Variants in NDRG1 observed in about 807,000 individuals in gnomAD.
NDRG1 encodes N-myc downstream regulated 1.
In NDRG1, 32 loss-of-function variants were observed where a neutral mutation model predicts 56.9. The observed-to-expected ratio is 0.56, with a 90% CI of 0.42 to 0.76. The LOEUF (loss-of-function observed/expected upper bound fraction) is 0.76. NDRG1 is among the 30% of genes least tolerant of loss of function. NDRG1 has a pLI of 0.00. For missense variants in NDRG1, 507 were observed against 545.7 expected (o/e 0.93, Z 0.71); for synonymous variants, 211 against 204.1 (o/e 1.03, Z -0.29).
At chr8:133,264,394 C>T (rs890935898) in intron 4 of NDRG1, among the ~76,000 whole-genome samples, 153 bp downstream of exon 4, 1 of 152,200 alleles carries the variant, frequency 6.6e-6, no homozygotes, top group Non-Finnish European at 1.5e-5. Flanking sequence ...CTGGCTTTTC[C>T]AGGCTGTGGC....
At chr8:133,257,649 T>G (rs951297217) in intron 7 of NDRG1, among the ~76,000 whole-genome samples, 1 of 152,224 alleles carries the variant, frequency 6.6e-6, no homozygotes, top group African/African-American at 2.4e-5. Context: ...GTGCAGTCTG[T>G]CATTGACCAA....
At chr8:133,257,920 C>T (rs535839934) in intron 7 of NDRG1, among the ~76,000 whole-genome samples, 36 of 152,196 alleles carry the variant, frequency 2.4e-4, no homozygotes, top group Non-Finnish European at 3.7e-4. Context: ...CACAATTGCT[C>T]GGTGAGGATA....
chr8:133,253,316 G>A (rs1156250283), intron 9 of NDRG1, among the ~76,000 whole-genome samples: 1 of 152,246 alleles, frequency 6.6e-6, no homozygotes, highest in Non-Finnish European at 1.5e-5. Flanking sequence ...AGCACAGGCA[G>A]CCGCCATCCT....
chr8:133,274,881 G>C (rs1443977005), intron 3 of NDRG1, among the ~76,000 whole-genome samples: 1 of 152,196 alleles, frequency 6.6e-6, no homozygotes, highest in East Asian at 1.9e-4. Context: ...GTAAAGGAAG[G>C]ATGATGGTAC....
intron 3 of NDRG1, among the ~76,000 whole-genome samples, chr8:133,279,926 C>A (rs111669123): frequency 6.6e-6 from 1 of 152,172 alleles, no homozygotes; most frequent in African/African-American, 2.4e-5. Context: ...GGGTCCCAAG[C>A]CAGCCCAGCA....
chr8:133,260,796 C>T (rs1365349909), intron 5 of NDRG1, among the ~76,000 whole-genome samples: 7 of 152,116 alleles, frequency 4.6e-5, no homozygotes, highest in Non-Finnish European at 7.4e-5. Context: ...TTATAAATGC[C>T]AAGAAGGCCC....
chr8:133,254,429 C>T, intron 9 of NDRG1, 110 bp downstream of exon 9: 1 of 1,091,082 alleles, frequency 9.2e-7, no homozygotes, highest in South Asian at 1.4e-5. Flanking sequence ...CTCGGTGGCC[C>T]CCAGTTGATT....
intron 3 of NDRG1, among the ~76,000 whole-genome samples, chr8:133,271,747 T>C (rs1335452996): frequency 8.9e-6 from 1 of 112,416 alleles, no homozygotes; most frequent in African/African-American, 3.5e-5. Flanking sequence ...ACTACTACAC[T>C]CCAGCATGGG....
rs924223679 is a variant in NDRG1, at chr8:133,250,332, C to T, written c.698+108G>A. 1.7e-5 allele frequency: 18 copies of T among 1,041,604 alleles called. No homozygotes were observed. The South Asian group carries it at 2.1e-4, about 12-fold the overall frequency. 64.5% of individuals were successfully genotyped at this position (1,041,604 alleles called of 1,614,324 possible). On this transcript the variant is annotated intron_variant, in intron 10 of 15. Coordinates refer to ENST00000323851, the MANE Select transcript of NDRG1 (RefSeq NM_006096.4). ...TAATCTATTTGCTCAAACTCAGAGC[C>T]TGCCTCTTCCGCTCATTTTATACTC... is the stretch of plus-strand genomic sequence containing the variant.
chr8:133,254,739 A>G, intron 8 of NDRG1, 144 bp from the exon 9 acceptor site: 1 of 788,788 alleles, frequency 1.3e-6, no homozygotes, highest in Non-Finnish European at 2.2e-6. Context: ...CCCTTGATAG[A>G]AACTCAGTTC....
chr8:133,252,246 C>T (rs1010024181), intron 9 of NDRG1, among the ~76,000 whole-genome samples: 2 of 152,132 alleles, frequency 1.3e-5, no homozygotes, highest in Non-Finnish European at 2.9e-5. Flanking sequence ...CAGGCGCGTG[C>T]CACCACATCC....
intron 1 of NDRG1, chr8:133,296,638 C>T (rs928211315): frequency 4.6e-6 from 2 of 433,322 alleles, no homozygotes; most frequent in Non-Finnish European, 9.3e-6. Context: ...GCGCCACTCA[C>T]CTCTACCAAC....
At chr8:133,287,944 C>T (rs768724172) in intron 1 of NDRG1, among the ~76,000 whole-genome samples, 9 of 142,596 alleles carry the variant, frequency 6.3e-5, no homozygotes, top group African/African-American at 1.2e-4. Context: ...CGTGCACACA[C>T]GCACACACAC....
chr8:133,257,219 A>G (rs78080721), intron 7 of NDRG1, among the ~76,000 whole-genome samples: 14,063 of 152,262 alleles, frequency 0.092, 740 homozygotes, highest in Admixed American at 0.16. Context: ...GGCGCACAGC[A>G]CAAATGCTCT....
intron 2 of NDRG1, among the ~76,000 whole-genome samples, chr8:133,281,602 C>T (rs1857807614): frequency 6.6e-6 from 1 of 152,104 alleles, no homozygotes; most frequent in African/African-American, 2.4e-5. Flanking sequence ...CCAGCCTCAC[C>T]CACCACAAAC....
chr8:133,262,165 T>C lies in NDRG1; in HGVS notation c.208A>G (p.Lys70Glu). ...TTGAAGAGGGGGTTGTAGCAGGTTT[T>C]GTCTGAAGAACAGCAGTGAGGGAGA... ...LTYHDIGMNH[K>E]TCYNPLFNYE... Residue 70 changes from lysine (K) to glutamate (E), a missense_variant and splice_region_variant, in exon 5 of 16, where the codon AAA (lysine) becomes GAA (glutamate). Lys to Glu is a moderately conservative substitution (Grantham distance 56). Coordinates refer to ENST00000323851, the MANE Select transcript of NDRG1 (RefSeq NM_006096.4). The C allele has an allele frequency of 6.2e-7, 1 of 1,613,822 alleles. No homozygotes were observed. Among genetic ancestry groups the C allele is most frequent in the Non-Finnish European group, 8.5e-7 (1 of 1,180,008 alleles).
chr8:133,279,613 G>A (rs1400701514), intron 3 of NDRG1, among the ~76,000 whole-genome samples: 1 of 152,220 alleles, frequency 6.6e-6, no homozygotes, highest in Non-Finnish European at 1.5e-5. Flanking sequence ...CATATGCTCA[G>A]GCTTTCTGCC....
intron 8 of NDRG1, 131 bp downstream of exon 8, chr8:133,256,646 G>T: frequency 1.2e-6 from 1 of 807,590 alleles, no homozygotes; most frequent in Non-Finnish European, 2.1e-6. Context: ...GAACTGGAGT[G>T]GGCAGTAGAG....
At chr8:133,264,999 A>AGGCCCCAAT in intron 3 of NDRG1, 1 of 367,250 alleles carries the variant, frequency 2.7e-6, no homozygotes, top group Non-Finnish European at 5.3e-6. Flanking sequence ...CCTTGCCCTC[A>AGGCCCCAAT]GGCCCCACTG....
Sources: allele counts gnomAD v4.1 joint callset (sites outside exome capture counted in the v4.1 genomes callset), GRCh38; gene constraint gnomAD v4.1.1; transcripts MANE v1.5; gene names NCBI Gene and HGNC (gene_info 2026-07-23, HGNC 2026-07-21).